The following PGR variants were observed in gnomAD, a reference collection of about 807,000 sequenced individuals.
PGR encodes the protein progesterone receptor.
In PGR, 25 loss-of-function variants were observed where a neutral mutation model predicts 76.1. The observed-to-expected ratio is 0.33, with a 90% CI of 0.24 to 0.46. The LOEUF (loss-of-function observed/expected upper bound fraction) is 0.46. PGR is among the 20% of genes least tolerant of loss of function. The pLI, the probability that PGR is intolerant of heterozygous loss-of-function variation, is 1.00. For missense variants in PGR, 1,172 were observed against 1,225.3 expected, an observed-to-expected ratio of 0.96 and a Z score of 0.65; for synonymous variants, 579 against 535.0, an observed-to-expected ratio of 1.08 and a Z score of -1.14.
intron 2 of PGR, among the ~76,000 whole-genome samples, chr11:101,113,423 G>A (rs1023448153): frequency 3.3e-5 from 3 of 90,450 alleles, no homozygotes; most frequent in Non-Finnish European, 4.4e-5. Flanking sequence ...CACCATGCCT[G>A]GCTATTTTTT....
At chr11:101,050,202 A>C in intron 5 of PGR, 143 bp from the exon 6 acceptor site, 1 of 810,632 alleles carries the variant, frequency 1.2e-6, no homozygotes, top group Non-Finnish European at 2.0e-6. Flanking sequence ...TAATAAACAA[A>C]CCCAATATTT....
intron 5 of PGR, 69 bp from the exon 6 acceptor site, chr11:101,050,128 T>A: frequency 6.6e-7 from 1 of 1,519,378 alleles, no homozygotes; most frequent in Non-Finnish European, 9.1e-7. Flanking sequence ...CCAGTTTAGG[T>A]AATTTATCAG....
intron 2 of PGR, among the ~76,000 whole-genome samples, chr11:101,102,685 T>A (rs896509944): frequency 2.0e-5 from 3 of 152,128 alleles, no homozygotes; most frequent in African/African-American, 7.2e-5. Context: ...AGGAAAATCT[T>A]ATTGAGTATA....
At chr11:101,085,705 T>C (rs2135447744) in intron 3 of PGR, among the ~76,000 whole-genome samples, 1 of 151,766 alleles carries the variant, frequency 6.6e-6, no homozygotes, top group African/African-American at 2.4e-5. Flanking sequence ...GCTAGCTACA[T>C]TAACAAAGAA....
intron 3 of PGR, among the ~76,000 whole-genome samples, chr11:101,078,309 C>T (rs928753693): frequency 2.6e-5 from 4 of 152,106 alleles, no homozygotes; most frequent in Non-Finnish European, 2.9e-5. Context: ...CCCATAAAAC[C>T]TGTAACTGTG....
At chr11:101,077,650 A>G (rs1381918119) in intron 3 of PGR, among the ~76,000 whole-genome samples, 2 of 152,186 alleles carry the variant, frequency 1.3e-5, no homozygotes, top group Non-Finnish European at 2.9e-5. Context: ...TCCCATACAA[A>G]CACAGAAAAA....
rs1408642301 is a variant in PGR, at chr11:101,033,980, A to G, written c.*5136T>C. Reference sequence around the variant, plus strand: ...AAACTATTTACAATACCATTTAAATATTTTATTCATATCTATCCGAATATT... The same window carrying G: ...AAACTATTTACAATACCATTTAAATGTTTTATTCATATCTATCCGAATATT... On this transcript the variant is annotated 3_prime_UTR_variant, in exon 8 of 8. Coordinates refer to ENST00000325455, the MANE Select transcript of PGR (RefSeq NM_000926.4). 4.4e-6 allele frequency: 1 copy of G among 228,364 alleles called. No individual in the cohort carries two copies. Among genetic ancestry groups the G allele is most frequent in the African/African-American group, 2.2e-5 (1 of 45,108 alleles). The allele number at this position is 228,364 out of a possible 1,614,324, so 14.1% of individuals were successfully genotyped here. A position where few individuals can be genotyped will look rare whatever the true frequency, so the allele number is the denominator to read the frequency against.
Position 101,062,621 on chromosome 11 carries a change from C to T in PGR, c.2038G>A (p.Asp680Asn). The T allele has an allele frequency of 6.2e-7, 1 of 1,614,010 alleles. No individual in the cohort carries two copies. The highest frequency in any genetic ancestry group is 8.5e-7 in the Non-Finnish European group (1 of 1,179,944). The change falls in exon 4 of 8, where the codon GAC becomes AAC. Residue 680 changes from aspartate (D) to asparagine (N), a missense_variant. Asp to Asn is a conservative substitution (Grantham distance 23). Coordinates refer to ENST00000325455, the MANE Select transcript of PGR (RefSeq NM_000926.4). ...ATCAGTGGTGGAATCAACTGTATGT[C>T]TTGACCTGGTGAAAAAGTGAATCTC... ...SQRFTFSPGQDIQLIPPLINL... is the reference protein window; with the variant it reads ...SQRFTFSPGQNIQLIPPLINL...
chr11:101,091,235 T>A (rs1452604274), intron 3 of PGR, among the ~76,000 whole-genome samples: 1 of 152,208 alleles, frequency 6.6e-6, no homozygotes, highest in Non-Finnish European at 1.5e-5. Context: ...AATAAAAATA[T>A]GGGAAAAGGG....
intron 2 of PGR, among the ~76,000 whole-genome samples, chr11:101,106,275 T>C (rs1451180564): frequency 6.6e-6 from 1 of 152,086 alleles, no homozygotes; most frequent in Non-Finnish European, 1.5e-5. Context: ...GAAACTATCA[T>C]CAGAGGGAAC....
At chr11:101,071,171 C>T (rs1312207978) in intron 3 of PGR, among the ~76,000 whole-genome samples, 2 of 152,252 alleles carry the variant, frequency 1.3e-5, no homozygotes. Flanking sequence ...GCTAGTGATA[C>T]CCAGGCAAAC....
intron 6 of PGR, 52 bp from the exon 7 acceptor site, chr11:101,042,154 A>C (rs781370256): frequency 4.5e-6 from 7 of 1,546,972 alleles, no homozygotes; most frequent in Non-Finnish European, 6.2e-6. Flanking sequence ...GATGACATTA[A>C]CAATTTATAA....
intron 2 of PGR, among the ~76,000 whole-genome samples, chr11:101,093,352 A>G (rs1467768605): frequency 6.6e-6 from 1 of 151,806 alleles, no homozygotes; most frequent in Non-Finnish European, 1.5e-5. Context: ...TTTAGGCTAT[A>G]GGAGTGACTG....
intron 3 of PGR, among the ~76,000 whole-genome samples, chr11:101,082,753 G>C (rs1189380413): frequency 6.6e-6 from 1 of 152,164 alleles, no homozygotes; most frequent in African/African-American, 2.4e-5. Flanking sequence ...AAACATGTAT[G>C]CTCATATGCA....
intron 4 of PGR, among the ~76,000 whole-genome samples, chr11:101,059,551 G>A (rs766862200): frequency 6.6e-6 from 1 of 152,096 alleles, no homozygotes; most frequent in Non-Finnish European, 1.5e-5. Context: ...AAAGTAAAAG[G>A]GGTGGGGTGC....
chr11:101,035,341 G>A lies in PGR; in HGVS notation c.*3775C>T, dbSNP rs1231868129. 19 of 230,808 alleles carry A rather than the reference G, an allele frequency of 8.2e-5. No homozygotes were observed. In the East Asian group the frequency reaches 1.2e-3, roughly 14 times the overall value. The allele number at this position is 230,808 out of a possible 1,614,324, so 14.3% of individuals were successfully genotyped here. A position where few individuals can be genotyped will look rare whatever the true frequency, so the allele number is the denominator to read the frequency against. ...CATATTCTATCCTGACTTCTGATGT[G>A]TGAAGGATAAGTATGGATGAGAGAA... On this transcript the variant is annotated 3_prime_UTR_variant, in exon 8 of 8. Transcript: ENST00000325455.
chr11:101,128,368 G>C lies in PGR; in HGVS notation c.703C>G (p.Pro235Ala), dbSNP rs1862960754. 6.2e-7 allele frequency: 1 copy of C among 1,606,442 alleles called. No homozygotes were observed. Among genetic ancestry groups the C allele is most frequent in the African/African-American group, 1.3e-5 (1 of 74,900 alleles). Reference protein sequence around the residue: ...DGSESEESAGPLLKGKPRALG... With the variant: ...DGSESEESAGALLKGKPRALG... ...GCCCGAGGTTTGCCCTTCAGAAGCG[G>C]ACCCGCAGACTCCTCGGACTCAGAG... Residue 235 changes from proline to alanine, a missense_variant, in exon 1 of 8, where the codon CCG becomes GCG. This residue lies in a region of PGR where 893 missense variants were observed against 785.9 expected (regional missense o/e 1.14). Coordinates refer to ENST00000325455, the MANE Select transcript of PGR (RefSeq NM_000926.4).
chr11:101,092,914 G>C (rs1861717298), intron 2 of PGR, among the ~76,000 whole-genome samples: 1 of 152,070 alleles, frequency 6.6e-6, no homozygotes, highest in East Asian at 1.9e-4. Context: ...CATTAGTTAA[G>C]ATTAAAATCA....
At chr11:101,093,705 C>G (rs543613281) in intron 2 of PGR, among the ~76,000 whole-genome samples, 2 of 152,170 alleles carry the variant, frequency 1.3e-5, no homozygotes, top group African/African-American at 4.8e-5. Context: ...GTGATCTGCC[C>G]GCCTTGGCCT....
Sources: gnomAD v4.1 joint callset for allele counts (sites outside exome capture counted in the v4.1 genomes callset) on GRCh38, gnomAD v4.1.1 for gene constraint, gnomAD v4.1.1 regional missense constraint, MANE v1.5 for transcripts, NCBI Gene and HGNC (gene_info 2026-07-23, HGNC 2026-07-21) for gene names.